The following NEBL variants were observed in gnomAD, a reference collection of about 807,000 sequenced individuals.
The protein encoded by NEBL is nebulette.
Under a neutral mutation model 140.2 loss-of-function variants are expected in NEBL, and 122 were observed. The observed-to-expected ratio is 0.87, with a 90% CI of 0.75 to 1.01. NEBL has a LOEUF of 1.01. NEBL is among the 50% of genes least tolerant of loss of function. The pLI is 0.00. For missense variants in NEBL, 1,365 were observed against 1,231.3 expected (o/e 1.11, Z -1.62); for synonymous variants, 436 against 398.9 (o/e 1.09, Z -1.11).
intron 2 of NEBL, among the ~76,000 whole-genome samples, chr10:21,049,119 A>C (rs544454618): frequency 6.6e-6 from 1 of 152,354 alleles, no homozygotes; most frequent in East Asian, 1.9e-4. Context: ...AGACTTACCC[A>C]CATTATGAAA....
intron 3 of NEBL, among the ~76,000 whole-genome samples, chr10:20,966,873 G>C (rs529722619): frequency 6.6e-6 from 1 of 152,192 alleles, no homozygotes; most frequent in Non-Finnish European, 1.5e-5. Context: ...AAGCCATCGC[G>C]GATGAAGGAA....
At chr10:21,098,061 C>T (rs1375753001) in intron 2 of NEBL, among the ~76,000 whole-genome samples, 2 of 152,062 alleles carry the variant, frequency 1.3e-5, no homozygotes, top group Non-Finnish European at 2.9e-5. Context: ...CTAAATGTTG[C>T]AAAAGGATGA....
chr10:20,848,775 A>C (rs1460097012), intron 11 of NEBL, among the ~76,000 whole-genome samples: 1 of 152,158 alleles, frequency 6.6e-6, no homozygotes, highest in Non-Finnish European at 1.5e-5. Context: ...CATGAAACCC[A>C]TCCCTGGTGC....
chr10:21,128,745 A>C (rs574683540), intron 2 of NEBL, among the ~76,000 whole-genome samples: 10 of 152,358 alleles, frequency 6.6e-5, no homozygotes, highest in Admixed American at 5.9e-4. Context: ...TTGTTAAAAC[A>C]CATTTTTTAA....
At chr10:21,272,121 T>C (rs895710699) in intron 1 of NEBL, among the ~76,000 whole-genome samples, 2 of 114,098 alleles carry the variant, frequency 1.8e-5, no homozygotes, top group African/African-American at 1.4e-4. Context: ...TTGGTTAATT[T>C]TTTTTTTTTT....
chr10:20,952,086 G>A (rs1452212124), intron 4 of NEBL, among the ~76,000 whole-genome samples: 1 of 152,128 alleles, frequency 6.6e-6, no homozygotes, highest in East Asian at 1.9e-4. Flanking sequence ...TAAAGTATCT[G>A]TGTTTCTATC....
At chr10:21,246,584 A>G (rs1016748630) in intron 3 of NEBL, among the ~76,000 whole-genome samples, 2 of 151,908 alleles carry the variant, frequency 1.3e-5, no homozygotes, top group South Asian at 4.2e-4. Context: ...GGAGTCTGAG[A>G]CCAGCCTGCC....
rs149914089 is a variant in NEBL at position 21,229,977 on chromosome 10, T to C, written n.348+17944A>G. Among the ~76,000 whole-genome samples, 425 of 152,344 alleles carry C rather than the reference T, an allele frequency of 2.8e-3. 2 individuals are homozygous for C. Among genetic ancestry groups the C allele is most frequent in the African/African-American group, 9.3e-3 (388 of 41,568 alleles). Reference sequence around the variant, plus strand: ...TGGGGTGGCCACTCCGCTAATGTAGTTGGCAGGCACTATTTTTCAAAATGA... The same window carrying C: ...TGGGGTGGCCACTCCGCTAATGTAGCTGGCAGGCACTATTTTTCAAAATGA... On this transcript the variant is annotated intron_variant and non_coding_transcript_variant, in intron 3 of 8. Transcript: ENST00000675702.
At chr10:21,040,958 C>T (rs922840168) in intron 2 of NEBL, among the ~76,000 whole-genome samples, 1 of 152,170 alleles carries the variant, frequency 6.6e-6, no homozygotes, top group Admixed American at 6.5e-5. Flanking sequence ...GCCATGCTTC[C>T]TGTACAGCAT....
intron 7 of NEBL, chr10:20,868,377 G>T: frequency 2.6e-6 from 1 of 379,372 alleles, no homozygotes; most frequent in Non-Finnish European, 4.9e-6. Context: ...GACTATTAAT[G>T]ACTTCTGGAA....
In NEBL at chr10:20,862,426, C is replaced by T. The variant is rs533949060; in HGVS notation, c.685-2600G>A. On this transcript the variant is annotated intron_variant, in intron 7 of 27. Transcript: ENST00000377122. Reference sequence around the variant, plus strand: ...ACTGACACCCAATTGTTTCTAACCTCGCTCTTTCTGTAAGGAATGCAGGTA... The same window carrying T: ...ACTGACACCCAATTGTTTCTAACCTTGCTCTTTCTGTAAGGAATGCAGGTA... Among the ~76,000 whole-genome samples, 11 of 152,290 alleles carry T rather than the reference C, an allele frequency of 7.2e-5. No individual in the cohort carries two copies. In the South Asian group the frequency reaches 8.3e-4, roughly 11 times the overall value.
intron 2 of NEBL, among the ~76,000 whole-genome samples, chr10:21,161,091 G>A (rs1402369776): frequency 6.6e-6 from 1 of 152,194 alleles, no homozygotes; most frequent in African/African-American, 2.4e-5. Flanking sequence ...GTTTGCTACT[G>A]TTCATGTGCA....
chr10:21,069,569 A>G (rs1465287750), intron 2 of NEBL, among the ~76,000 whole-genome samples: 2 of 152,216 alleles, frequency 1.3e-5, no homozygotes, highest in Non-Finnish European at 2.9e-5. Flanking sequence ...CCCATTAACC[A>G]GGGCATCCTG....
intron 2 of NEBL, among the ~76,000 whole-genome samples, chr10:21,075,423 G>A (rs1021305425): frequency 7.9e-5 from 12 of 152,136 alleles, no homozygotes; most frequent in African/African-American, 2.9e-4. Flanking sequence ...CGACCTAAGA[G>A]GGGCTCCACC....
rs188409096 is a variant in NEBL, at chr10:21,255,955, C to G, written n.183-4127G>C. The stretch of plus-strand genomic sequence containing the variant: ...TGAGATCGCACCACTGCACTCCAGC[C>G]TGGGCGACAGAGCGAGACTCTGTCT... On this transcript the variant is annotated intron_variant and non_coding_transcript_variant, in intron 1 of 8. Coordinates refer to the NEBL transcript ENST00000675702. Among the ~76,000 whole-genome samples, 583 of 149,384 alleles carry G rather than the reference C, an allele frequency of 3.9e-3. 6 individuals carry two copies. The highest frequency in any genetic ancestry group is 0.014 in the African/African-American group (561 of 40,452).
intron 3 of NEBL, among the ~76,000 whole-genome samples, chr10:21,214,027 T>G (rs376520306): frequency 1.3e-5 from 2 of 152,182 alleles, no homozygotes; most frequent in East Asian, 3.8e-4. Context: ...CTCAGCAGTT[T>G]TGTGTCTTGA....
chr10:20,894,943 A>C (rs187387064), intron 2 of NEBL, among the ~76,000 whole-genome samples: 1 of 151,428 alleles, frequency 6.6e-6, no homozygotes, highest in South Asian at 2.1e-4. Context: ...AAAAAAAAAA[A>C]AAAAAAATTA....
At chr10:21,096,488 A>AGTGTGTGTGTGTGT (rs10541564) in intron 2 of NEBL, among the ~76,000 whole-genome samples, 69 of 141,576 alleles carry the variant, frequency 4.9e-4, no homozygotes, top group African/African-American at 1.7e-3. Flanking sequence ...CTTGGTTTTG[A>AGTGTGTGTGTGTGT]GTGTGTGTGT....
chr10:21,114,362 A>G (rs1232293850), intron 2 of NEBL, among the ~76,000 whole-genome samples: 1 of 152,076 alleles, frequency 6.6e-6, no homozygotes, highest in Non-Finnish European at 1.5e-5. Flanking sequence ...ATCTTGGTAA[A>G]TGTTCTGTGT....
Sources: gnomAD v4.1 joint callset for allele counts (sites outside exome capture counted in the v4.1 genomes callset) on GRCh38, gnomAD v4.1.1 for gene constraint, MANE v1.5 for transcripts, NCBI Gene and HGNC (gene_info 2026-07-23, HGNC 2026-07-21) for gene names.